The following PKNOX2 variants were observed in gnomAD, a reference collection of about 807,000 sequenced individuals.
PKNOX2 encodes the protein PBX/knotted 1 homeobox 2.
Under a neutral mutation model 53.1 loss-of-function variants are expected in PKNOX2, and 14 were observed. That is an observed-to-expected ratio of 0.26 (90% CI 0.17 to 0.41). PKNOX2 has a LOEUF of 0.41. Among genes scored for constraint, PKNOX2 ranks in the 10% least tolerant of loss-of-function variants. The pLI is 1.00. For synonymous variants in PKNOX2, 257 were observed against 242.8 expected (o/e 1.06, Z -0.54); for missense variants, 496 against 602.8 (o/e 0.82, Z 1.85).
intron 3 of PKNOX2, among the ~76,000 whole-genome samples, chr11:125,338,087 C>T (rs1363254732): frequency 1.3e-5 from 2 of 152,170 alleles, no homozygotes; most frequent in Non-Finnish European, 2.9e-5. Context: ...GTGGACAGCT[C>T]CTTTGGACCC....
intron 4 of PKNOX2, among the ~76,000 whole-genome samples, chr11:125,360,584 C>T (rs867115544): frequency 2.0e-5 from 3 of 152,132 alleles, no homozygotes; most frequent in Admixed American, 6.5e-5. Context: ...CACCAGGGGC[C>T]GCCTGTTCCT....
intron 2 of PKNOX2, among the ~76,000 whole-genome samples, chr11:125,251,488 G>A (rs954579135): frequency 1.3e-5 from 2 of 152,238 alleles, no homozygotes; most frequent in Non-Finnish European, 2.9e-5. Flanking sequence ...ACTTTTCAGC[G>A]ACAAAGATGT....
chr11:125,298,164 G>A (rs1365464462), intron 2 of PKNOX2, among the ~76,000 whole-genome samples: 6 of 152,160 alleles, frequency 3.9e-5, no homozygotes, highest in African/African-American at 4.8e-5. Context: ...AGAAGGTGGC[G>A]TTAAGGAAAC....
intron 4 of PKNOX2, among the ~76,000 whole-genome samples, chr11:125,365,853 C>G (rs1325050214): frequency 2.6e-5 from 4 of 152,198 alleles, no homozygotes; most frequent in Admixed American, 2.6e-4. Context: ...GCTTAATGGT[C>G]ATGTCAGATC....
chr11:125,225,788 TG>T (rs1941632680), intron 1 of PKNOX2, among the ~76,000 whole-genome samples: 1 of 152,218 alleles, frequency 6.6e-6, no homozygotes, highest in African/African-American at 2.4e-5. Flanking sequence ...AAAGTAAAGT[TG>T]GATGCAAAAT....
At chr11:125,190,126 G>C (rs756308859) in intron 1 of PKNOX2, 2 of 152,140 alleles carry the variant, frequency 1.3e-5, no homozygotes, top group East Asian at 1.9e-4. Flanking sequence ...GGGTTTCACC[G>C]TGTTGGCCAG....
intron 2 of PKNOX2, among the ~76,000 whole-genome samples, chr11:125,304,701 T>C (rs1490255981): frequency 6.6e-6 from 1 of 152,210 alleles, no homozygotes; most frequent in Non-Finnish European, 1.5e-5. Flanking sequence ...AGGGCAAATA[T>C]CCAGGGGTCT....
chr11:125,316,047 A>G (rs1432685003), intron 2 of PKNOX2, among the ~76,000 whole-genome samples: 1 of 152,214 alleles, frequency 6.6e-6, no homozygotes, highest in African/African-American at 2.4e-5. Flanking sequence ...CACCATGACA[A>G]CAGCAAGGGA....
intron 3 of PKNOX2, among the ~76,000 whole-genome samples, chr11:125,344,769 T>C (rs1950885842): frequency 6.6e-6 from 1 of 152,156 alleles, no homozygotes; most frequent in South Asian, 2.1e-4. Context: ...AAGCAGGTGT[T>C]CTGGCTGTGA....
At chr11:125,202,864 C>T (rs1470986891) in intron 1 of PKNOX2, among the ~76,000 whole-genome samples, 1 of 152,100 alleles carries the variant, frequency 6.6e-6, no homozygotes, top group Non-Finnish European at 1.5e-5. Flanking sequence ...TCACTATTCT[C>T]CCACCTTTCC....
In PKNOX2 at chr11:125,411,749, A is replaced by T; in HGVS notation, c.820A>T (p.Asn274Tyr). ...GAIQIQNTQV[N>Y]LDLTSLLDNE... ...TTTCTCTCCACGTGCCCTGAAGGTT[A>T]ACCTTGACCTCACCTCCCTCCTGGA... The change falls in exon 10 of 13, where the codon AAC (asparagine) becomes TAC (tyrosine). Residue 274 changes from asparagine (N) to tyrosine (Y), a missense_variant. Physicochemically the swap from Asn to Tyr is moderately radical, Grantham distance 143. This residue lies in a region of PKNOX2 where 141 missense variants were observed against 143.9 expected (regional missense o/e 0.98). Transcript: ENST00000298282. 1 of 1,614,034 alleles carries T rather than the reference A, an allele frequency of 6.2e-7. No homozygotes were observed.
In PKNOX2 at chr11:125,385,532, G is replaced by A. The variant is rs1328369323; in HGVS notation, c.228-19G>A. 1.3e-6 allele frequency: 2 copies of A among 1,595,336 alleles called. No homozygotes were observed. The highest frequency in any genetic ancestry group is 1.1e-5 in the South Asian group (1 of 87,834). The stretch of plus-strand genomic sequence containing the variant: ...GGTCTCTGTGTGTGCGCATGTGTGA[G>A]CTCTTGATGTCCCTGCAGGCACCCT... On this transcript the variant is annotated intron_variant, in intron 5 of 12. Transcript: ENST00000298282.
chr11:125,319,281 CAAT>C lies in PKNOX2; in HGVS notation c.-129-12532_-129-12530del, dbSNP rs892627857. Among the ~76,000 whole-genome samples, 106 of 152,176 alleles carry C rather than the reference CAAT, an allele frequency of 7.0e-4. 1 individual carries two copies. The highest frequency in any genetic ancestry group is 2.4e-3 in the African/African-American group (100 of 41,506). On this transcript the variant is annotated intron_variant, in intron 2 of 12. Coordinates refer to ENST00000298282, the MANE Select transcript of PKNOX2 (RefSeq NM_001382323.2). The stretch of plus-strand genomic sequence containing the variant: ...ATTTTATGGCACCCCAAAATAATTA[CAAT>C]AATAACATCAAAGATCACTCATCAC...
At chr11:125,363,515 T>G (rs1314794354) in intron 4 of PKNOX2, among the ~76,000 whole-genome samples, 1 of 152,246 alleles carries the variant, frequency 6.6e-6, no homozygotes, top group Non-Finnish European at 1.5e-5. Flanking sequence ...CAGGCAGTTC[T>G]GAGGACATCA....
In PKNOX2 at chr11:125,353,729, A is replaced by G. The variant is rs137981281; in HGVS notation, c.87+2337A>G. 3.4e-4 allele frequency among the ~76,000 whole-genome samples: 52 copies of G among 152,336 alleles called. No homozygotes were observed. In the East Asian group the frequency reaches 9.8e-3, roughly 29 times the overall value. On this transcript the variant is annotated intron_variant, in intron 4 of 12. Coordinates refer to ENST00000298282, the MANE Select transcript of PKNOX2 (RefSeq NM_001382323.2). ...CTGCCATCTATTTGTAACCCTGGCA[A>G]TCCATGAGTGAAATGTCTGATGAGA...
chr11:125,323,363 T>C (rs1949640704), intron 2 of PKNOX2, among the ~76,000 whole-genome samples: 1 of 152,204 alleles, frequency 6.6e-6, no homozygotes. Context: ...GAAATTCATT[T>C]CTCAGCAGTG....
intron 5 of PKNOX2, among the ~76,000 whole-genome samples, chr11:125,369,047 C>T (rs960354533): frequency 5.9e-5 from 9 of 152,224 alleles, no homozygotes; most frequent in Non-Finnish European, 1.2e-4. Flanking sequence ...AGATTGATTT[C>T]TTTCTGAATC....
At chr11:125,372,929 A>C (rs919770937) in intron 5 of PKNOX2, among the ~76,000 whole-genome samples, 1 of 152,226 alleles carries the variant, frequency 6.6e-6, no homozygotes, top group African/African-American at 2.4e-5. Context: ...AGCCCTGTTT[A>C]TAATGCACTT....
chr11:125,271,719 G>GAA (rs112128127), intron 2 of PKNOX2, among the ~76,000 whole-genome samples: 62 of 144,370 alleles, frequency 4.3e-4, no homozygotes, highest in African/African-American at 1.4e-3. Context: ...ACTTTGTCAA[G>GAA]AAAAAAAAAA....
Sources: allele counts gnomAD v4.1 joint callset (sites outside exome capture counted in the v4.1 genomes callset), GRCh38; gene constraint gnomAD v4.1.1; regional missense constraint gnomAD v4.1.1; transcripts MANE v1.5; gene names NCBI Gene and HGNC (gene_info 2026-07-23, HGNC 2026-07-21).